Variants in INF2 observed in about 807,000 individuals in gnomAD.
The protein encoded by INF2 is inverted formin-2.
A neutral mutation model predicts 123.5 loss-of-function variants in INF2; 43 were observed. The ratio of observed to expected loss-of-function variants is 0.35; its 90% CI spans 0.27 to 0.45. The LOEUF (loss-of-function observed/expected upper bound fraction) is 0.45, where lower values mean the gene tolerates loss of function less well. Ranked by LOEUF, INF2 falls within the 20% of genes least tolerant of loss-of-function variation. The probability of loss-of-function intolerance (pLI) is 1.00; values close to 1 mark genes in which losing one functional copy is unlikely to be tolerated. For missense variants in INF2, 1,453 were observed against 1,682.7 expected (o/e 0.86, Z 2.39); for synonymous variants, 851 against 745.0 (o/e 1.14, Z -2.32).
rs1888846629 is a variant in INF2, at chr14:104,689,759, G to A, written c.-10+20G>A. On this transcript the variant is annotated intron_variant, in intron 1 of 22. Transcript: ENST00000392634. Reference sequence around the variant, plus strand: ...CACCGGGTAAGTCCTTGGCCTCGGGGTCCGCTTGGAGCTTCAGGGGAAACT... The same window carrying A: ...CACCGGGTAAGTCCTTGGCCTCGGGATCCGCTTGGAGCTTCAGGGGAAACT... 2 of 984,668 alleles carry A rather than the reference G, an allele frequency of 2.0e-6. No homozygotes were observed. The highest frequency in any genetic ancestry group is 2.4e-6 in the Non-Finnish European group (2 of 829,476). 61.0% of individuals were successfully genotyped at this position (984,668 alleles called of 1,614,324 possible).
At chr14:104,713,754 A>G (rs1438291806) in intron 20 of INF2, 148 bp downstream of exon 20, 3 of 875,928 alleles carry the variant, frequency 3.4e-6, no homozygotes, top group Non-Finnish European at 5.2e-6. Flanking sequence ...AGCCGAGGGG[A>G]CAGGTGGTGG....
In INF2 at chr14:104,715,295, G is replaced by T; in HGVS notation, c.3706G>T (p.Asp1236Tyr). The T allele has an allele frequency of 1.2e-6, 2 of 1,613,674 alleles. No homozygotes were observed. The highest frequency in any genetic ancestry group is 3.3e-4 in the Middle Eastern group (2 of 6,042). ...TTATTTGGAAGCAGAGGTTCCCCCT[G>T]ATTCTGATGATAATAAAACAAAGAA... is the stretch of plus-strand genomic sequence containing the variant. Reference protein sequence around the residue: ...PSRSQEEVPPDSDDNKTKKLC... With the variant: ...PSRSQEEVPPYSDDNKTKKLC... The change falls in exon 22 of 23, where the codon GAT becomes TAT. Residue 1236 changes from aspartate (D) to tyrosine (Y), a missense_variant. Asp to Tyr is a radical substitution (Grantham distance 160). Transcript: ENST00000392634.
In INF2 at chr14:104,708,092, T is replaced by C. The variant is rs1050633533; in HGVS notation, c.1735+90T>C. The stretch of plus-strand genomic sequence containing the variant: ...AGGGGCAGGTGGCACATGGAACTTG[T>C]GTGCGCGTCCTGCCCGTGCGTGGCC... On this transcript the variant is annotated intron_variant, in intron 8 of 22. Coordinates refer to ENST00000392634, the MANE Select transcript of INF2 (RefSeq NM_022489.4). The C allele has an allele frequency of 8.9e-6, 14 of 1,577,080 alleles. No individual in the cohort carries two copies. The East Asian group carries it at 3.0e-4, about 33-fold the overall frequency.
intron 1 of INF2, among the ~76,000 whole-genome samples, chr14:104,700,304 G>A: frequency 6.6e-6 from 1 of 152,186 alleles, no homozygotes; most frequent in East Asian, 1.9e-4. Flanking sequence ...CCTGTTGTGG[G>A]AGGTATAAAG....
chr14:104,707,867 A>G lies in INF2; in HGVS notation c.1600A>G (p.Met534Val). 1 of 1,564,196 alleles carries G rather than the reference A, an allele frequency of 6.4e-7. No individual in the cohort carries two copies. Among genetic ancestry groups the G allele is most frequent in the Non-Finnish European group, 8.7e-7 (1 of 1,154,270 alleles). ...CTGCAGCCCCCCCGTGGCGGGAGGC[A>G]TGGAGGAGGTCATCGTGGCCCAGGT... Reference protein sequence around the residue: ...CTCSPPVAGGMEEVIVAQVDH... With the variant: ...CTCSPPVAGGVEEVIVAQVDH... Residue 534 changes from methionine to valine, a missense_variant, in exon 8 of 23, where the codon ATG becomes GTG. Physicochemically the swap from Met to Val is conservative, Grantham distance 21. Coordinates refer to ENST00000392634, the MANE Select transcript of INF2 (RefSeq NM_022489.4).
chr14:104,695,312 G>A (rs147212299), intron 1 of INF2, among the ~76,000 whole-genome samples: 36 of 152,104 alleles, frequency 2.4e-4, no homozygotes, highest in African/African-American at 8.2e-4. Context: ...GTAGCCGCTC[G>A]TCCCCCCATG....
In INF2 at chr14:104,712,923, G is replaced by A; in HGVS notation, c.2706G>A (p.Gln902=). The A allele has an allele frequency of 2.5e-6, 4 of 1,612,740 alleles. No homozygotes were observed. Among genetic ancestry groups the A allele is most frequent in the Non-Finnish European group, 3.4e-6 (4 of 1,179,812 alleles). The change falls in exon 18 of 23, where the codon CAG becomes CAA. Residue 902 remains glutamine, a synonymous_variant. Transcript: ENST00000392634. ...CCGACTACCTGTGTGAGGACGCCCAGCAGCTGTCCCTGGAGGACACGTTCA... is the reference window on the plus strand; with the variant it reads ...CCGACTACCTGTGTGAGGACGCCCAACAGCTGTCCCTGGAGGACACGTTCA... ...ELADYLCEDA[Q]QLSLEDTFST...
intron 22 of INF2, among the ~76,000 whole-genome samples, chr14:104,716,179 C>T (rs1247254189): frequency 6.6e-6 from 1 of 152,224 alleles, no homozygotes; most frequent in Non-Finnish European, 1.5e-5. Flanking sequence ...CAGCCTTGCT[C>T]AGAGCCAGCC....
intron 1 of INF2, among the ~76,000 whole-genome samples, chr14:104,682,874 G>A (rs569630175): frequency 6.6e-5 from 10 of 152,178 alleles, no homozygotes; most frequent in Non-Finnish European, 8.8e-5. Context: ...GGATTATCAC[G>A]TCTGGGTTGA....
rs1595186004 is a variant in INF2, at chr14:104,718,889, G to T, written c.*96G>T. 1.3e-6 allele frequency: 2 copies of T among 1,571,230 alleles called. No individual in the cohort carries two copies. The highest frequency in any genetic ancestry group is 1.7e-6 in the Non-Finnish European group (2 of 1,164,620). On this transcript the variant is annotated 3_prime_UTR_variant, in exon 23 of 23. Transcript: ENST00000392634. ...GAGGCTCTTCTGGGGGCCAGGCTGG[G>T]ACTGGGCCCCGGAAACCAAAACTCC... is the stretch of plus-strand genomic sequence containing the variant.
At position 104,684,106 on chromosome 14, in the gene INF2, A is replaced by G. The variant is rs1291443267; in HGVS notation, c.-104+2524A>G. The G allele has an allele frequency of 4.6e-5, 21 of 455,846 alleles. No homozygotes were observed. Among genetic ancestry groups the G allele is most frequent in the Non-Finnish European group, 9.3e-5 (21 of 226,758 alleles). 28.2% of individuals were successfully genotyped at this position (455,846 alleles called of 1,614,324 possible). A position where few individuals can be genotyped will look rare whatever the true frequency, so the allele number is the denominator to read the frequency against. On this transcript the variant is annotated intron_variant, in intron 1 of 2. Coordinates refer to the INF2 transcript ENST00000674723. The surrounding 1 kb of genome is among the most constrained non-coding windows in gnomAD (Gnocchi z 5.0). ...AAGCAAAAGATGGCACGGACCCCCG[A>G]CATAAGACAGTTCAAAGCTGAGCGG... is the stretch of plus-strand genomic sequence containing the variant.
chr14:104,711,585 A>T (rs766664975), intron 15 of INF2, 44 bp from the exon 16 acceptor site: 1 of 1,549,462 alleles, frequency 6.5e-7, no homozygotes, highest in Non-Finnish European at 8.9e-7. Context: ...CCCCAGGTGG[A>T]GAGTATGACC....
At position 104,703,300 on chromosome 14, in the gene INF2, G is replaced by A. The variant is rs1889615437; in HGVS notation, c.513G>A (p.Val171=). 1.2e-6 allele frequency: 2 copies of A among 1,612,978 alleles called. No homozygotes were observed. The highest frequency in any genetic ancestry group is 2.2e-5 in the East Asian group (1 of 44,892). Residue 171 remains valine, a synonymous_variant, in exon 4 of 23, where the codon GTG becomes GTA. Coordinates refer to ENST00000392634, the MANE Select transcript of INF2 (RefSeq NM_022489.4). ...TGACCCCGCCCTCCCCACAGACGGT[G>A]TGCAGCCAGCAGTACCGCTTCAGCA... The part of the protein sequence containing the change: ...TLDALDHYKT[V]CSQQYRFSIV...
In INF2 at chr14:104,708,565, G is replaced by A. The variant is rs200155666; in HGVS notation, c.1865G>A (p.Arg622Gln). Residue 622 changes from arginine to glutamine, a missense_variant, in exon 9 of 23, where the codon CGG (arginine) becomes CAG (glutamine). This residue lies in a region of INF2 where 192 missense variants were observed against 274.4 expected (regional missense o/e 0.70). Transcript: ENST00000392634. ...AAGGAGCCCACCATGGTGGCCCCCC[G>A]GGCCAGGAAGGAGCCCAAGGAGGTG... The part of the protein sequence containing the change: ...KPKEPTMVAP[R>Q]ARKEPKEITF... The A allele has an allele frequency of 1.9e-5, 31 of 1,612,124 alleles. No individual in the cohort carries two copies. Among genetic ancestry groups the A allele is most frequent in the African/African-American group, 4.0e-5 (3 of 74,916 alleles).
intron 15 of INF2, 147 bp from the exon 16 acceptor site, chr14:104,711,482 G>A (rs1035185563): frequency 9.2e-6 from 7 of 763,854 alleles, no homozygotes; most frequent in African/African-American, 8.6e-5. Context: ...TCATAGCCAG[G>A]CCCAAGGGAA....
intron 7 of INF2, 89 bp from the exon 8 acceptor site, chr14:104,707,164 G>A (rs1889819349): frequency 6.6e-7 from 1 of 1,510,830 alleles, no homozygotes. Context: ...CCCAGGGGAG[G>A]TGGCCGCTTT....
In INF2 at chr14:104,707,384, C is replaced by A; in HGVS notation, c.1117C>A (p.Pro373Thr). Residue 373 changes from proline to threonine, a missense_variant, in exon 8 of 23, where the codon CCG (proline) becomes ACG (threonine). Physicochemically the swap from Pro to Thr is conservative, Grantham distance 38. Around this residue, in one of 8 missense-constraint regions of INF2, gnomAD observed 374 missense variants for 303.7 expected, o/e 1.23. Coordinates refer to ENST00000392634, the MANE Select transcript of INF2 (RefSeq NM_022489.4). ...AGACCAGAGCCAGAGGGGCAGCTCC[C>A]CGCAAAACACTACAACCCCCAAGCC... ...NLDQSQRGSS[P>T]QNTTTPKPSV... 1.3e-6 allele frequency: 2 copies of A among 1,592,044 alleles called. No individual in the cohort carries two copies. The highest frequency in any genetic ancestry group is 4.6e-5 in the East Asian group (2 of 43,412).
intron 1 of INF2, among the ~76,000 whole-genome samples, chr14:104,695,645 C>A (rs1017416300): frequency 3.3e-5 from 5 of 150,856 alleles, no homozygotes. Context: ...CATCCCCCTA[C>A]CCCCCCTACA....
intron 1 of INF2, among the ~76,000 whole-genome samples, chr14:104,697,353 C>T (rs1444441812): frequency 6.6e-6 from 1 of 152,218 alleles, no homozygotes; most frequent in Non-Finnish European, 1.5e-5. Flanking sequence ...GTACCCTAAC[C>T]CTGGCCTGTG....
Sources: allele counts gnomAD v4.1 joint callset (sites outside exome capture counted in the v4.1 genomes callset), GRCh38; gene constraint gnomAD v4.1.1; regional missense constraint gnomAD v4.1.1; non-coding constraint Gnocchi (gnomAD v3.1); transcripts MANE v1.5; gene names NCBI Gene and HGNC (gene_info 2026-07-23, HGNC 2026-07-21).